SLC25A17: variants seen among roughly 807,000 people sequenced by gnomAD.
SLC25A17 encodes the protein solute carrier family 25 member 17, also known as peroxisomal membrane protein PMP34.
Under a neutral mutation model 38.5 loss-of-function variants are expected in SLC25A17, and 26 were observed. The ratio of observed to expected loss-of-function variants is 0.68; its 90% confidence interval spans 0.50 to 0.94. The LOEUF is 0.94. Among genes scored for constraint, SLC25A17 ranks in the 40% least tolerant of loss-of-function variants. SLC25A17 has a pLI of 0.00. For synonymous variants in SLC25A17, 139 were observed against 136.2 expected (o/e 1.02, Z -0.14); for missense variants, 333 against 372.7 (o/e 0.89, Z 0.88).
At chr22:40,774,414 T>G (rs1023597803) in intron 7 of SLC25A17, among the ~76,000 whole-genome samples, 1 of 152,144 alleles carries the variant, frequency 6.6e-6, no homozygotes, top group Non-Finnish European at 1.5e-5. Flanking sequence ...AGCAGAGATG[T>G]GGTTTCACCA....
At chr22:40,817,668 G>A (rs1030022096) in intron 1 of SLC25A17, among the ~76,000 whole-genome samples, 2 of 152,104 alleles carry the variant, frequency 1.3e-5, no homozygotes, top group Non-Finnish European at 2.9e-5. Context: ...CCGGATCCAA[G>A]TCACCATCAT....
At chr22:40,776,961 A>G (rs2057249279) in intron 7 of SLC25A17, 79 bp downstream of exon 7, 1 of 1,213,438 alleles carries the variant, frequency 8.2e-7, no homozygotes, top group African/African-American at 1.5e-5. Flanking sequence ...TTATTGCTTT[A>G]TTAACATTGT....
intron 2 of SLC25A17, chr22:40,797,267 T>C (rs971081163): frequency 2.4e-6 from 3 of 1,242,970 alleles, no homozygotes; most frequent in East Asian, 5.6e-5. Flanking sequence ...TGAATTACTA[T>C]TGAAAGCTAA....
chr22:40,797,342 G>A, intron 2 of SLC25A17: 2 of 1,297,170 alleles, frequency 1.5e-6, no homozygotes, highest in Non-Finnish European at 2.0e-6. Flanking sequence ...CAAATCTGAG[G>A]AAAAAACAAG....
intron 4 of SLC25A17, chr22:40,788,891 T>C (rs1194865453): frequency 3.8e-6 from 1 of 260,970 alleles, no homozygotes; most frequent in African/African-American, 2.3e-5. Context: ...TCACCTTGAA[T>C]TGCTGAAATA....
At chr22:40,779,835 T>C (rs2057279548) in intron 4 of SLC25A17, 1 of 152,662 alleles carries the variant, frequency 6.6e-6, no homozygotes, top group African/African-American at 2.4e-5. Context: ...GCTTCTTTTT[T>C]GAAAACATAT....
chr22:40,819,319 G>A lies in SLC25A17; in HGVS notation c.-71C>T. 11 of 1,508,486 alleles carry A rather than the reference G, an allele frequency of 7.3e-6. No individual in the cohort carries two copies. The South Asian group carries it at 9.0e-5, about 12-fold the overall frequency. The allele number at this position is 1,508,486 out of a possible 1,614,324, so 93.4% of individuals were successfully genotyped here. ...CGCAGCCAGTGGAGTTAGGAAAGGA[G>A]CACCGGAGCTCAGGGTGTGAGAGTC... On this transcript the variant is annotated 5_prime_UTR_variant, in exon 1 of 9. Coordinates refer to ENST00000435456, the MANE Select transcript of SLC25A17 (RefSeq NM_006358.4).
In SLC25A17 at chr22:40,794,568, C is replaced by G; in HGVS notation, c.128G>C (p.Arg43Thr). 1.2e-6 allele frequency: 2 copies of G among 1,609,826 alleles called. No homozygotes were observed. Among genetic ancestry groups the G allele is most frequent in the Non-Finnish European group, 1.7e-6 (2 of 1,176,608 alleles). The change falls in exon 3 of 9, where the codon AGA becomes ACA. Residue 43 changes from arginine (R) to threonine (T), a missense_variant. By Grantham distance (71) the Arg-to-Thr change is moderately conservative. Transcript: ENST00000435456. The part of the protein sequence containing the change: ...ARLRLQVDEK[R>T]KSKTTHMVLL... ...CACCATGTGTGTAGTTTTGGATTTT[C>G]TTTTCTCATCAACTACAAGACCAAA...
At chr22:40,807,014 G>T (rs540424715) in intron 1 of SLC25A17, among the ~76,000 whole-genome samples, 1 of 152,022 alleles carries the variant, frequency 6.6e-6, no homozygotes, top group South Asian at 2.1e-4. Context: ...CACCATGCCC[G>T]GCCATGGCTT....
At chr22:40,802,229 T>C (rs1021732681) in intron 1 of SLC25A17, among the ~76,000 whole-genome samples, 3 of 152,132 alleles carry the variant, frequency 2.0e-5, no homozygotes, top group African/African-American at 4.8e-5. Context: ...CACGTGAAGG[T>C]TCCTAAACAT....
intron 1 of SLC25A17, among the ~76,000 whole-genome samples, chr22:40,810,346 T>A (rs1382662421): frequency 6.8e-6 from 1 of 146,390 alleles, no homozygotes; most frequent in African/African-American, 2.6e-5. Flanking sequence ...CATTAAATAT[T>A]CTTTTTTTTT....
At chr22:40,802,506 G>A (rs1033105587) in intron 1 of SLC25A17, among the ~76,000 whole-genome samples, 20 of 152,182 alleles carry the variant, frequency 1.3e-4, no homozygotes, top group African/African-American at 4.1e-4. Flanking sequence ...TTAGCCAGGC[G>A]TGGTGGTGGG....
At position 40,786,993 on chromosome 22, in the gene SLC25A17, T is replaced by C. The variant is rs185476909; in HGVS notation, c.334+5532A>G. Among the ~76,000 whole-genome samples the C allele has an allele frequency of 2.5e-4, 38 of 152,294 alleles. No homozygotes were observed. The East Asian group carries it at 7.1e-3, about 29-fold the overall frequency. On this transcript the variant is annotated intron_variant, in intron 4 of 8. Transcript: ENST00000435456. ...AATAACAAAAATGTAATCTCTGCCTTTAAGGAGCTTACTGTCTAGCAAAAG... is the reference window on the plus strand; with the variant it reads ...AATAACAAAAATGTAATCTCTGCCTCTAAGGAGCTTACTGTCTAGCAAAAG...
chr22:40,808,389 C>T (rs1219296088), intron 1 of SLC25A17, among the ~76,000 whole-genome samples: 3 of 152,196 alleles, frequency 2.0e-5, no homozygotes, highest in Non-Finnish European at 2.9e-5. Flanking sequence ...TGCCCAAAGC[C>T]AGAGTGGCAG....
chr22:40,809,754 A>C (rs2057562125), intron 1 of SLC25A17, among the ~76,000 whole-genome samples: 1 of 152,212 alleles, frequency 6.6e-6, no homozygotes. Context: ...AATTTTTAGG[A>C]GTGTGAATGG....
chr22:40,812,481 G>A (rs1703611697), intron 1 of SLC25A17, among the ~76,000 whole-genome samples: 1 of 152,056 alleles, frequency 6.6e-6, no homozygotes, highest in African/African-American at 2.4e-5. Flanking sequence ...TGCCTTTTAA[G>A]CATAAAACAA....
intron 7 of SLC25A17, 103 bp downstream of exon 7, chr22:40,776,936 TA>T: frequency 1.1e-6 from 1 of 942,324 alleles, no homozygotes; most frequent in Non-Finnish European, 1.6e-6. Context: ...TATTCTGGTA[TA>T]CCAACTAACT....
intron 2 of SLC25A17, among the ~76,000 whole-genome samples, chr22:40,794,941 C>T (rs1420490286): frequency 2.6e-5 from 4 of 151,974 alleles, no homozygotes; most frequent in South Asian, 2.1e-4. Flanking sequence ...TTTTTAGAGA[C>T]GGAGTCTCAC....
chr22:40,814,165 C>T (rs1355566804), intron 1 of SLC25A17, among the ~76,000 whole-genome samples: 5 of 152,206 alleles, frequency 3.3e-5, no homozygotes. Flanking sequence ...TGCTCTTCCA[C>T]TATCAGTCCT....
Sources: allele counts gnomAD v4.1 joint callset (sites outside exome capture counted in the v4.1 genomes callset), GRCh38; gene constraint gnomAD v4.1.1; transcripts MANE v1.5; gene names NCBI Gene and HGNC (gene_info 2026-07-23, HGNC 2026-07-21).